Variants in POLA1 observed in about 807,000 individuals in gnomAD.
POLA1 encodes DNA polymerase alpha 1, catalytic subunit, also known as DNA polymerase alpha catalytic subunit.
A neutral mutation model predicts 124.0 loss-of-function variants in POLA1; 15 were observed. The observed-to-expected ratio is 0.12, with a 90% CI of 0.08 to 0.19. The LOEUF (loss-of-function observed/expected upper bound fraction) is 0.19. Among genes scored for constraint, POLA1 ranks in the 10% least tolerant of loss-of-function variants. The pLI is 1.00. For missense variants in POLA1, 886 were observed against 1,103.4 expected (o/e 0.80, Z 2.79); for synonymous variants, 408 against 389.4 (o/e 1.05, Z -0.56).
chrX:24,965,254 A>C (rs1464568116), intron 36 of POLA1, among the ~76,000 whole-genome samples: 1 of 112,277 alleles, frequency 8.9e-6, no homozygotes, highest in African/African-American at 3.2e-5. Flanking sequence ...TGCTGATACC[A>C]AGGTGGGCTT....
intron 10 of POLA1, among the ~76,000 whole-genome samples, chrX:24,720,783 A>G (rs1160513039): frequency 8.9e-6 from 1 of 112,526 alleles, no homozygotes; most frequent in African/African-American, 3.2e-5. Flanking sequence ...CAGGGTAAGG[A>G]TCTAGAGCTG....
intron 10 of POLA1, among the ~76,000 whole-genome samples, chrX:24,722,311 G>T (rs531259044): frequency 9.0e-6 from 1 of 111,723 alleles, no homozygotes; most frequent in African/African-American, 3.2e-5. Context: ...TGTTCTTCGT[G>T]GCCAATTTTC....
chrX:24,727,820 G>A lies in POLA1; in HGVS notation c.1570G>A (p.Ala524Thr). 1.3e-5 allele frequency: 16 copies of A among 1,207,398 alleles called. No homozygotes were observed. Among genetic ancestry groups the A allele is most frequent in the Non-Finnish European group, 1.7e-5 (15 of 891,519 alleles). Reference protein sequence around the residue: ...NQPVSWCKVEAMALKPDLVNV... With the variant: ...NQPVSWCKVETMALKPDLVNV... Reference sequence around the variant, plus strand: ...GCCAGTCAGTTGGTGTAAAGTTGAGGCAATGGCTTTGAAACCAGACCTGGT... The same window carrying A: ...GCCAGTCAGTTGGTGTAAAGTTGAGACAATGGCTTTGAAACCAGACCTGGT... The change falls in exon 15 of 37, where the codon GCA (alanine) becomes ACA (threonine). Residue 524 changes from alanine (A) to threonine (T), a missense_variant. Ala to Thr is a moderately conservative substitution (Grantham distance 58, BLOSUM62 0). Transcript: ENST00000379068.
At chrX:24,906,086 G>A (rs1026777919) in intron 35 of POLA1, among the ~76,000 whole-genome samples, 15 of 111,887 alleles carry the variant, frequency 1.3e-4, no homozygotes, top group African/African-American at 4.5e-4. Flanking sequence ...AACCTCTGTG[G>A]AAAACAGTAT....
chrX:24,758,197 G>C (rs1301747429), intron 26 of POLA1, among the ~76,000 whole-genome samples: 2 of 110,993 alleles, frequency 1.8e-5, no homozygotes, highest in East Asian at 5.6e-4. Context: ...ATATATGCTT[G>C]CATTATAATA....
chrX:24,854,570 C>T (rs917674727), intron 34 of POLA1, among the ~76,000 whole-genome samples: 1 of 111,707 alleles, frequency 9.0e-6, no homozygotes, highest in East Asian at 2.8e-4. Context: ...GTGGCTCACG[C>T]CTGTAAGCCT....
chrX:24,899,541 C>T (rs747436761), intron 35 of POLA1, among the ~76,000 whole-genome samples: 1 of 111,367 alleles, frequency 9.0e-6, no homozygotes, highest in East Asian at 2.8e-4. Context: ...AAAAATGCAC[C>T]GAATTCCTGG....
intron 1 of POLA1, among the ~76,000 whole-genome samples, chrX:24,696,814 C>G (rs1814925172): frequency 8.9e-6 from 1 of 111,838 alleles, no homozygotes; most frequent in Admixed American, 9.5e-5. Flanking sequence ...CCTGGTTCTC[C>G]TACTCACTCT....
chrX:24,850,704 G>A (rs755062003), intron 34 of POLA1, among the ~76,000 whole-genome samples: 6 of 111,537 alleles, frequency 5.4e-5, no homozygotes, highest in South Asian at 3.8e-4. Flanking sequence ...AGCTTGGGCC[G>A]TAGTCTCTCC....
Position 24,716,381 on chromosome X carries a change from C to T in POLA1, c.545C>T (p.Pro182Leu), listed in dbSNP as rs985150885. ...TTTTAGACACCTCAAATAACTCCAC[C>T]ACCTGTAATGATACTGAAGAAGAAA... ...LNTETPQITP[P>L]PVMILKKKRS... Residue 182 changes from proline (P) to leucine (L), a missense_variant, in exon 7 of 37, where the codon CCA (proline) becomes CTA (leucine). Physicochemically the swap from Pro to Leu is moderately conservative, Grantham distance 98. This residue lies in a region of POLA1 where 337 missense variants were observed against 402.8 expected (regional missense o/e 0.84). Transcript: ENST00000379068. The T allele has an allele frequency of 8.5e-7, 1 of 1,172,035 alleles. No homozygotes were observed. Among genetic ancestry groups the T allele is most frequent in the Non-Finnish European group, 1.2e-6 (1 of 859,689 alleles).
At chrX:24,918,063 A>G (rs1192382111) in intron 35 of POLA1, among the ~76,000 whole-genome samples, 1 of 110,584 alleles carries the variant, frequency 9.0e-6, no homozygotes, top group Non-Finnish European at 1.9e-5. Context: ...TTTTATATCT[A>G]TTATCATTAT....
rs1387917510 is a variant in POLA1 at position 24,702,524 on chromosome X, A to G, written c.169-727A>G. 1.5e-4 allele frequency among the ~76,000 whole-genome samples: 17 copies of G among 112,109 alleles called. No individual in the cohort carries two copies. In the Admixed American group the frequency reaches 1.6e-3, roughly 11 times the overall value. On this transcript the variant is annotated intron_variant, in intron 2 of 36. Coordinates refer to ENST00000379068, the MANE Select transcript of POLA1 (RefSeq NM_001330360.2). ...TGTGCAGAGGTTGTCTGCTTTACTCATACCAGTAGCTCATAGTGTTCTGAC... is the reference window on the plus strand; with the variant it reads ...TGTGCAGAGGTTGTCTGCTTTACTCGTACCAGTAGCTCATAGTGTTCTGAC...
chrX:24,787,809 T>G (rs2045396052), intron 26 of POLA1, among the ~76,000 whole-genome samples: 1 of 112,311 alleles, frequency 8.9e-6, no homozygotes, highest in African/African-American at 3.2e-5. Flanking sequence ...TTGGGGATTA[T>G]GGATACTTTA....
chrX:24,832,350 C>G (rs1460052436), intron 32 of POLA1, among the ~76,000 whole-genome samples: 1 of 111,796 alleles, frequency 8.9e-6, no homozygotes, highest in Non-Finnish European at 1.9e-5. Flanking sequence ...TCCTGCATCT[C>G]AGTCTCAACA....
chrX:24,775,558 A>C (rs913632581), intron 26 of POLA1, among the ~76,000 whole-genome samples: 2 of 111,749 alleles, frequency 1.8e-5, no homozygotes, highest in Non-Finnish European at 3.8e-5. Context: ...CAAGGCCTAG[A>C]GTCTCACTGC....
chrX:24,871,512 T>TA (rs1450017445), intron 34 of POLA1, among the ~76,000 whole-genome samples: 14 of 112,343 alleles, frequency 1.2e-4, no homozygotes, highest in African/African-American at 4.2e-4. Flanking sequence ...TAAGAGGAAA[T>TA]ACTTTCAGTG....
intron 26 of POLA1, among the ~76,000 whole-genome samples, chrX:24,801,929 G>GTGTT (rs1401349109): frequency 1.1e-5 from 1 of 93,576 alleles, no homozygotes; most frequent in Non-Finnish European, 2.1e-5. Context: ...GGGTGGGTGT[G>GTGTT]TGTGTGTGTG....
At chrX:24,995,367 A>AGCT (rs2048591896) in intron 36 of POLA1, among the ~76,000 whole-genome samples, 1 of 112,222 alleles carries the variant, frequency 8.9e-6, no homozygotes, top group African/African-American at 3.2e-5. Flanking sequence ...TACTAGGCCC[A>AGCT]GCTGATCTGG....
intron 16 of POLA1, among the ~76,000 whole-genome samples, chrX:24,733,471 T>G (rs1288214372): frequency 2.7e-5 from 3 of 112,180 alleles, no homozygotes; most frequent in African/African-American, 9.7e-5. Context: ...TGGTGGGATT[T>G]CCTTTGAGGA....
Sources: allele counts gnomAD v4.1 joint callset (sites outside exome capture counted in the v4.1 genomes callset), GRCh38; gene constraint gnomAD v4.1.1; regional missense constraint gnomAD v4.1.1; transcripts MANE v1.5; gene names NCBI Gene and HGNC (gene_info 2026-07-23, HGNC 2026-07-21).